Variants in SPOCK3 observed in about 807,000 individuals in gnomAD.
The protein encoded by SPOCK3 is testican-3.
Under a neutral mutation model 56.6 loss-of-function variants are expected in SPOCK3, and 30 were observed. That is an observed-to-expected ratio of 0.53 (90% CI 0.40 to 0.72). The LOEUF is 0.72. SPOCK3 is among the 30% of genes least tolerant of loss of function. The pLI is 0.00. For missense variants in SPOCK3, 527 were observed against 530.0 expected (o/e 0.99, Z 0.06); for synonymous variants, 196 against 183.3 (o/e 1.07, Z -0.56).
At chr4:166,785,271 C>A (rs1316372786) in intron 7 of SPOCK3, among the ~76,000 whole-genome samples, 2 of 151,936 alleles carry the variant, frequency 1.3e-5, no homozygotes, top group Admixed American at 1.3e-4. Flanking sequence ...ATTCAAGAAG[C>A]CTGATTTTAT....
intron 2 of SPOCK3, among the ~76,000 whole-genome samples, chr4:167,147,026 G>T (rs2150409195): frequency 6.6e-6 from 1 of 152,128 alleles, no homozygotes; most frequent in South Asian, 2.1e-4. Context: ...CCAGGAGTTG[G>T]TTTTTTGAAG....
chr4:167,115,731 G>A (rs1416062016), intron 2 of SPOCK3, among the ~76,000 whole-genome samples: 2 of 152,032 alleles, frequency 1.3e-5, no homozygotes, highest in African/African-American at 4.8e-5. Flanking sequence ...GGGCAACAAT[G>A]AAAATTAAGA....
chr4:166,905,523 T>C (rs1308991388), intron 5 of SPOCK3, among the ~76,000 whole-genome samples: 2 of 152,036 alleles, frequency 1.3e-5, no homozygotes, highest in Non-Finnish European at 2.9e-5. Flanking sequence ...AACTTTTCTT[T>C]TTTTACATGC....
chr4:167,203,019 A>G (rs570867039), intron 2 of SPOCK3, among the ~76,000 whole-genome samples: 1 of 140,076 alleles, frequency 7.1e-6, no homozygotes, highest in Non-Finnish European at 1.6e-5. Flanking sequence ...ATGCATACAC[A>G]ATTAAAACCT....
intron 6 of SPOCK3, among the ~76,000 whole-genome samples, chr4:166,837,406 T>C (rs1394090163): frequency 1.3e-5 from 2 of 152,142 alleles, no homozygotes; most frequent in African/African-American, 4.8e-5. Context: ...TGGACTCCAG[T>C]GATCCTCTTG....
chr4:167,100,993 G>A (rs942695111), intron 2 of SPOCK3, among the ~76,000 whole-genome samples: 51 of 152,002 alleles, frequency 3.4e-4, no homozygotes, highest in African/African-American at 1.2e-3. Flanking sequence ...ACCCATGCAT[G>A]GTAATTCATT....
intron 6 of SPOCK3, among the ~76,000 whole-genome samples, chr4:166,884,180 C>T (rs974034385): frequency 2.0e-5 from 3 of 151,818 alleles, no homozygotes; most frequent in Admixed American, 6.6e-5. Flanking sequence ...AGTGAAACCC[C>T]GTCTCTACTA....
intron 4 of SPOCK3, among the ~76,000 whole-genome samples, chr4:166,992,033 G>C (rs1453284001): frequency 6.6e-6 from 1 of 152,082 alleles, no homozygotes; most frequent in Non-Finnish European, 1.5e-5. Flanking sequence ...CTTGTAATGG[G>C]TTTCTTTACA....
At chr4:167,090,090 T>G (rs189724084) in intron 2 of SPOCK3, among the ~76,000 whole-genome samples, 1 of 152,190 alleles carries the variant, frequency 6.6e-6, no homozygotes, top group Non-Finnish European at 1.5e-5. Flanking sequence ...TGCATATTTA[T>G]AACAAGTTTT....
chr4:167,078,658 C>T (rs1035897978), intron 2 of SPOCK3, among the ~76,000 whole-genome samples: 3 of 151,512 alleles, frequency 2.0e-5, no homozygotes, highest in African/African-American at 7.3e-5. Flanking sequence ...AACCCATAAT[C>T]ACCCTATGAT....
intron 4 of SPOCK3, among the ~76,000 whole-genome samples, chr4:166,955,065 T>C (rs1171337127): frequency 6.6e-6 from 1 of 152,192 alleles, no homozygotes; most frequent in Non-Finnish European, 1.5e-5. Flanking sequence ...AAGGTTATTT[T>C]TTTGAATCCA....
intron 2 of SPOCK3, among the ~76,000 whole-genome samples, chr4:167,208,474 A>G (rs1734561769): frequency 6.6e-6 from 1 of 152,152 alleles, no homozygotes; most frequent in Non-Finnish European, 1.5e-5. Context: ...AAATCAGTAG[A>G]GAACACTGAC....
chr4:166,845,944 T>C (rs1304784067), intron 6 of SPOCK3, among the ~76,000 whole-genome samples: 1 of 152,188 alleles, frequency 6.6e-6, no homozygotes, highest in Non-Finnish European at 1.5e-5. Context: ...AAGCTATTGC[T>C]GCTAGGCTAC....
chr4:167,155,379 A>T (rs1222832013), intron 2 of SPOCK3, among the ~76,000 whole-genome samples: 1 of 152,074 alleles, frequency 6.6e-6, no homozygotes, highest in East Asian at 1.9e-4. Flanking sequence ...CGGCCTCCCA[A>T]AGAGCTGGGA....
At chr4:167,142,908 A>C (rs1763650944) in intron 2 of SPOCK3, among the ~76,000 whole-genome samples, 1 of 152,008 alleles carries the variant, frequency 6.6e-6, no homozygotes, top group African/African-American at 2.4e-5. Context: ...GGATGCAACA[A>C]AACAACCAGG....
chr4:166,969,821 T>A (rs1019849315), intron 4 of SPOCK3, among the ~76,000 whole-genome samples: 5 of 152,200 alleles, frequency 3.3e-5, no homozygotes, highest in African/African-American at 1.2e-4. Flanking sequence ...TCCTTTTTTT[T>A]AGGTAATTCA....
intron 1 of SPOCK3, 43 bp downstream of exon 1, chr4:167,234,407 G>A (rs566609458): frequency 5.2e-5 from 30 of 577,190 alleles, no homozygotes; most frequent in Middle Eastern, 9.2e-4. Flanking sequence ...AGCCCCAGCC[G>A]CAGCAGCCCG....
intron 2 of SPOCK3, among the ~76,000 whole-genome samples, chr4:167,127,201 T>C (rs1202856754): frequency 6.6e-6 from 1 of 152,176 alleles, no homozygotes; most frequent in Non-Finnish European, 1.5e-5. Context: ...AATCAAGTAT[T>C]AGTACTTTAT....
At chr4:167,105,506 C>A (rs1311103608) in intron 2 of SPOCK3, among the ~76,000 whole-genome samples, 2 of 116,608 alleles carry the variant, frequency 1.7e-5, no homozygotes, top group Admixed American at 7.9e-5. Context: ...GAAAAAATCA[C>A]CTTCACTAAA....
Sources: allele counts gnomAD v4.1 joint callset (sites outside exome capture counted in the v4.1 genomes callset), GRCh38; gene constraint gnomAD v4.1.1; transcripts MANE v1.5; gene names NCBI Gene and HGNC (gene_info 2026-07-23, HGNC 2026-07-21).